The following SRC variants were observed in gnomAD, a reference collection of about 807,000 sequenced individuals.
SRC encodes the protein proto-oncogene tyrosine-protein kinase Src.
SRC carries 13 observed loss-of-function variants against 62.9 expected under a neutral mutation model. The observed-to-expected ratio is 0.21, with a 90% CI of 0.13 to 0.33. The LOEUF is 0.33. SRC is among the 10% of genes least tolerant of loss of function. The pLI, the probability that SRC is intolerant of heterozygous loss-of-function variation, is 1.00. For missense variants in SRC, 457 were observed against 737.3 expected (o/e 0.62, Z 4.40); for synonymous variants, 302 against 317.5 (o/e 0.95, Z 0.52).
At chr20:37,368,794 G>T (rs911259441) in intron 2 of SRC, among the ~76,000 whole-genome samples, 1 of 151,480 alleles carries the variant, frequency 6.6e-6, no homozygotes, top group African/African-American at 2.4e-5. Flanking sequence ...CTCGTGATCC[G>T]CCCGCCTCGG....
At chr20:37,356,706 C>A (rs577161558) in intron 1 of SRC, among the ~76,000 whole-genome samples, 1 of 152,162 alleles carries the variant, frequency 6.6e-6, no homozygotes. Context: ...TTTGGGTAAA[C>A]CTCACCAGGG....
chr20:37,379,514 T>G (rs2070328986), intron 2 of SRC, among the ~76,000 whole-genome samples: 1 of 151,674 alleles, frequency 6.6e-6, no homozygotes, highest in Admixed American at 6.6e-5. Flanking sequence ...AAGAGCCGTG[T>G]AGCTTTCGAG....
chr20:37,358,494 C>T lies in SRC; in HGVS notation c.-246-6710C>T, dbSNP rs568031305. Among the ~76,000 whole-genome samples, 8 of 152,334 alleles carry T rather than the reference C, an allele frequency of 5.3e-5. No homozygotes were observed. In the East Asian group the frequency reaches 1.5e-3, roughly 29 times the overall value. On this transcript the variant is annotated intron_variant, in intron 1 of 13. Coordinates refer to ENST00000373578, the MANE Select transcript of SRC (RefSeq NM_198291.3). ...GCACCTTGGGACAGATCAGGGTTTC[C>T]GTACCGGGTGGTCTCTGCACAGCCC...
intron 5 of SRC, among the ~76,000 whole-genome samples, chr20:37,388,135 GT>G (rs1342779412): frequency 1.3e-5 from 2 of 152,208 alleles, no homozygotes; most frequent in African/African-American, 4.8e-5. Flanking sequence ...TCTACCAAGC[GT>G]CTCAGACTGG....
chr20:37,373,469 A>G (rs2070229253), intron 2 of SRC, among the ~76,000 whole-genome samples: 1 of 151,666 alleles, frequency 6.6e-6, no homozygotes, highest in South Asian at 2.1e-4. Context: ...ATATACACAC[A>G]CACATACATA....
chr20:37,383,310 T>C (rs1443211682), intron 3 of SRC, among the ~76,000 whole-genome samples: 1 of 152,202 alleles, frequency 6.6e-6, no homozygotes, highest in Non-Finnish European at 1.5e-5. Flanking sequence ...GCAGTGGGAA[T>C]GGTATGTGTG....
chr20:37,395,540 GC>G (rs901323600), intron 7 of SRC, among the ~76,000 whole-genome samples: 5 of 152,162 alleles, frequency 3.3e-5, no homozygotes, highest in African/African-American at 9.7e-5. Flanking sequence ...ACCAGGGCTG[GC>G]CCCGTTTGAC....
rs754332476 is a variant in SRC, at chr20:37,384,222, C to T, written c.69C>T (p.Asn23=). The T allele has an allele frequency of 6.3e-7, 1 of 1,593,482 alleles. No individual in the cohort carries two copies. The highest frequency in any genetic ancestry group is 8.5e-7 in the Non-Finnish European group (1 of 1,174,812). ...GCCGCAGCCTGGAGCCCGCCGAGAA[C>T]GTGCACGGCGCTGGCGGGGGCGCTT... ...QRRRSLEPAE[N]VHGAGGGAFP... The change falls in exon 4 of 14, where the codon AAC becomes AAT. Residue 23 remains asparagine, a synonymous_variant. Coordinates refer to ENST00000373578, the MANE Select transcript of SRC (RefSeq NM_198291.3). The surrounding 1 kb of genome is among the most constrained non-coding windows in gnomAD (Gnocchi z 6.7).
At position 37,398,125 on chromosome 20, in the gene SRC, CCTCA is replaced by C. The variant is rs2070686034; in HGVS notation, c.859+276_859+279del. Among the ~76,000 whole-genome samples the C allele has an allele frequency of 1.3e-5, 2 of 152,180 alleles. No individual in the cohort carries two copies. ...CTGCTGTGTAGGCTGGGCCCGGTGGCCTCACTCAGAGCCTCAGTCTTCCCGACTG... is the reference window on the plus strand; with the variant it reads ...CTGCTGTGTAGGCTGGGCCCGGTGGCCTCAGAGCCTCAGTCTTCCCGACTG... On this transcript the variant is annotated intron_variant, in intron 9 of 13. Transcript: ENST00000373578. The surrounding 1 kb of genome is among the most constrained non-coding windows in gnomAD (Gnocchi z 5.2).
At chr20:37,390,786 G>A (rs903897506) in intron 5 of SRC, among the ~76,000 whole-genome samples, 6 of 152,142 alleles carry the variant, frequency 3.9e-5, no homozygotes, top group Non-Finnish European at 8.8e-5. Flanking sequence ...GTGGTATGGA[G>A]GGGCCAAGGT....
At chr20:37,400,051 C>G in intron 9 of SRC, 64 bp from the exon 10 acceptor site, 3 of 1,487,926 alleles carry the variant, frequency 2.0e-6, no homozygotes, top group Non-Finnish European at 2.7e-6. Flanking sequence ...TGGGCAGATC[C>G]TGGATCCCTG....
rs773072246 is a variant in SRC, at chr20:37,384,112, G to A, written c.-4-38G>A. ...GGAGGCCGGCCAAGGGGCCCCGGCA[G>A]CCCTGCCTGTTCCAGTGTCTTCTCT... On this transcript the variant is annotated intron_variant, in intron 3 of 13. Transcript: ENST00000373578. The surrounding 1 kb of genome is among the most constrained non-coding windows in gnomAD (Gnocchi z 6.7). The A allele has an allele frequency of 3.1e-6, 5 of 1,590,148 alleles. No homozygotes were observed. Among genetic ancestry groups the A allele is most frequent in the Non-Finnish European group, 4.3e-6 (5 of 1,173,068 alleles).
intron 2 of SRC, among the ~76,000 whole-genome samples, chr20:37,367,742 G>A (rs1195754285): frequency 2.0e-5 from 3 of 151,810 alleles, no homozygotes; most frequent in African/African-American, 7.3e-5. Flanking sequence ...AAATTCCTGG[G>A]CTCAAGCAAT....
upstream of SRC, among the ~76,000 whole-genome samples, chr20:37,345,976 C>G (rs1275038841): frequency 6.6e-6 from 1 of 151,644 alleles, no homozygotes; most frequent in Admixed American, 6.5e-5. Flanking sequence ...GGCGGGGAAT[C>G]CGTCCCCGCG....
intron 2 of SRC, among the ~76,000 whole-genome samples, chr20:37,372,254 C>T (rs940896480): frequency 1.3e-5 from 2 of 152,206 alleles, no homozygotes; most frequent in Admixed American, 1.3e-4. Context: ...TCCCAGAGTG[C>T]TAGGATTACA....
At chr20:37,365,481 T>C (rs1428338955) in intron 2 of SRC, among the ~76,000 whole-genome samples, 1 of 145,922 alleles carries the variant, frequency 6.9e-6, no homozygotes, top group East Asian at 2.0e-4. Context: ...TATAAGCATG[T>C]ATATTAACAA....
chr20:37,378,224 G>T lies in SRC; in HGVS notation c.-172-4395G>T, dbSNP rs561423423. Among the ~76,000 whole-genome samples, 3 of 145,838 alleles carry T rather than the reference G, an allele frequency of 2.1e-5. No individual in the cohort carries two copies. In the Admixed American group the frequency reaches 2.1e-4, roughly 10 times the overall value. On this transcript the variant is annotated intron_variant, in intron 2 of 13. Coordinates refer to ENST00000373578, the MANE Select transcript of SRC (RefSeq NM_198291.3). ...GTCATCCAGGCTGGAGTGCAGTGGC[G>T]CGATGATAGCTCACTGCAGCCTCAA...
intron 5 of SRC, among the ~76,000 whole-genome samples, chr20:37,386,777 C>G (rs963917295): frequency 6.6e-6 from 1 of 152,244 alleles, no homozygotes; most frequent in African/African-American, 2.4e-5. Context: ...GCATGCAGGA[C>G]CCAGTGCTGT....
rs6012117 is a variant in SRC, at chr20:37,396,157, C to T, written c.554-5C>T. ...GCGGTCACGGCTCCCCTCGGTGCCC[C>T]GCAGGTGCCTACTGCCTCTCAGTGT... On this transcript the variant is annotated splice_region_variant and splice_polypyrimidine_tract_variant and intron_variant, in intron 7 of 13. Coordinates refer to ENST00000373578, the MANE Select transcript of SRC (RefSeq NM_198291.3). This position sits in a 1 kb window ranked among gnomAD's most constrained non-coding sequence, Gnocchi z 6.1. 4,434 of 1,611,470 alleles carry T rather than the reference C, an allele frequency of 2.8e-3. 103 individuals are homozygous for T. In the African/African-American group the frequency reaches 0.049, roughly 18 times the overall value.
Sources: allele counts gnomAD v4.1 joint callset (sites outside exome capture counted in the v4.1 genomes callset), GRCh38; gene constraint gnomAD v4.1.1; non-coding constraint Gnocchi (gnomAD v3.1); transcripts MANE v1.5; gene names NCBI Gene and HGNC (gene_info 2026-07-23, HGNC 2026-07-21).